BMPR2: variants seen among roughly 807,000 people sequenced by gnomAD.
BMPR2 encodes bone morphogenetic protein receptor type 2.
A neutral mutation model predicts 100.8 loss-of-function variants in BMPR2; 29 were observed. The observed-to-expected ratio is 0.29, with a 90% confidence interval of 0.21 to 0.39. BMPR2 has a LOEUF of 0.39. Ranked by LOEUF, BMPR2 falls within the 10% of genes least tolerant of loss-of-function variation. The probability of loss-of-function intolerance (pLI) is 1.00; values close to 1 mark genes in which losing one functional copy is unlikely to be tolerated. For missense variants in BMPR2, 1,011 were observed against 1,274.5 expected (o/e 0.79, Z 3.15); for synonymous variants, 382 against 442.3 (o/e 0.86, Z 1.71).
intron 1 of BMPR2, among the ~76,000 whole-genome samples, chr2:202,439,850 A>G (rs542816794): frequency 1.3e-5 from 2 of 149,590 alleles, no homozygotes; most frequent in East Asian, 3.9e-4. Context: ...CAGCAGATAA[A>G]CATGTGAACA....
At chr2:202,519,381 A>G (rs890416358) in intron 6 of BMPR2, among the ~76,000 whole-genome samples, 1 of 152,172 alleles carries the variant, frequency 6.6e-6, no homozygotes, top group Non-Finnish European at 1.5e-5. Context: ...AAAAAAAATA[A>G]ACTGACATTT....
chr2:202,542,937 G>A (rs2106031443), intron 10 of BMPR2, among the ~76,000 whole-genome samples: 1 of 151,968 alleles, frequency 6.6e-6, no homozygotes, highest in South Asian at 2.1e-4. Flanking sequence ...AGCACTTTGG[G>A]AGGCCGAGGC....
Position 202,556,287 on chromosome 2 carries a change from G to C in BMPR2, c.2622G>C (p.Glu874Asp), listed in dbSNP as rs778565989. 1 of 1,614,108 alleles carries C rather than the reference G, an allele frequency of 6.2e-7. No individual in the cohort carries two copies. Among genetic ancestry groups the C allele is most frequent in the African/African-American group, 1.3e-5 (1 of 74,942 alleles). ...AGCATGAGCCTTTACTGAGACGAGA[G>C]CAACAAGCTGGCCATGATGAAGGTG... ...PDEHEPLLRR[E>D]QQAGHDEGVL... The change falls in exon 12 of 13, where the codon GAG (glutamate) becomes GAC (aspartate). Residue 874 changes from glutamate to aspartate, a missense_variant. By Grantham distance (45) the Glu-to-Asp change is conservative. Around this residue, in one of 6 missense-constraint regions of BMPR2, gnomAD observed 508 missense variants for 552.0 expected, o/e 0.92. Coordinates refer to ENST00000374580, the MANE Select transcript of BMPR2 (RefSeq NM_001204.7).
chr2:202,538,718 C>T (rs539411061), intron 9 of BMPR2, among the ~76,000 whole-genome samples: 65 of 149,356 alleles, frequency 4.4e-4, no homozygotes, highest in South Asian at 3.0e-3. Flanking sequence ...TGCTTGAACC[C>T]GGGACGCAGA....
At chr2:202,510,977 C>A (rs1687611607) in intron 3 of BMPR2, among the ~76,000 whole-genome samples, 1 of 144,896 alleles carries the variant, frequency 6.9e-6, no homozygotes, top group Non-Finnish European at 1.5e-5. Flanking sequence ...CCGCACCTGG[C>A]TTTAGTTTTT....
At chr2:202,528,480 C>T (rs983274736) in intron 7 of BMPR2, among the ~76,000 whole-genome samples, 1 of 152,170 alleles carries the variant, frequency 6.6e-6, no homozygotes, top group Non-Finnish European at 1.5e-5. Flanking sequence ...AGCCAGCACG[C>T]CTGGCCAGAG....
chr2:202,390,333 GT>G (rs374406877), intron 1 of BMPR2, among the ~76,000 whole-genome samples: 42,052 of 132,272 alleles, frequency 0.32, 6,374 homozygotes, highest in African/African-American at 0.47. Flanking sequence ...TTTCTTTCGT[GT>G]TTTTTTTTTT....
rs949905146 is a variant in BMPR2 at position 202,398,747 on chromosome 2, G to A, written c.76+21197G>A. Among the ~76,000 whole-genome samples, 4 of 152,166 alleles carry A rather than the reference G, an allele frequency of 2.6e-5. No homozygotes were observed. In the East Asian group the frequency reaches 7.7e-4, roughly 29 times the overall value. On this transcript the variant is annotated intron_variant, in intron 1 of 12. Transcript: ENST00000374580. ...GCTTTTACATGTTTATGTAGATTAGGTTAGGTTAAGAGAAAATACCGTAGT... is the reference window on the plus strand; with the variant it reads ...GCTTTTACATGTTTATGTAGATTAGATTAGGTTAAGAGAAAATACCGTAGT...
chr2:202,430,435 A>G (rs972458709), intron 1 of BMPR2, among the ~76,000 whole-genome samples: 1 of 152,178 alleles, frequency 6.6e-6, no homozygotes, highest in Non-Finnish European at 1.5e-5. Flanking sequence ...TCAGACTTTG[A>G]ATATGTGGAA....
intron 1 of BMPR2, among the ~76,000 whole-genome samples, chr2:202,428,370 C>G (rs987516414): frequency 2.0e-5 from 3 of 151,416 alleles, no homozygotes; most frequent in Non-Finnish European, 4.4e-5. Context: ...GAGTCTGTCT[C>G]TCTCCTTCTG....
intron 1 of BMPR2, among the ~76,000 whole-genome samples, chr2:202,458,183 ACTC>A (rs1692158613): frequency 6.8e-6 from 1 of 147,556 alleles, no homozygotes; most frequent in Non-Finnish European, 1.5e-5. Flanking sequence ...ACTGTGGCTC[ACTC>A]CTGCAATCCC....
intron 1 of BMPR2, among the ~76,000 whole-genome samples, chr2:202,453,540 G>A (rs1178043005): frequency 6.6e-6 from 1 of 152,168 alleles, no homozygotes; most frequent in African/African-American, 2.4e-5. Context: ...TATGTTAAGT[G>A]AAATAAGCTA....
chr2:202,551,550 G>C (rs1421614075), intron 10 of BMPR2, among the ~76,000 whole-genome samples: 2 of 151,944 alleles, frequency 1.3e-5, no homozygotes, highest in Non-Finnish European at 2.9e-5. Context: ...CAAAAAACTA[G>C]CTTTCCCCCA....
intron 3 of BMPR2, among the ~76,000 whole-genome samples, chr2:202,510,093 G>A (rs1352180596): frequency 6.6e-6 from 1 of 152,110 alleles, no homozygotes. Context: ...GTTAGACTAC[G>A]AATTTTTTTA....
At chr2:202,543,866 A>G (rs758855038) in intron 10 of BMPR2, among the ~76,000 whole-genome samples, 10 of 152,204 alleles carry the variant, frequency 6.6e-5, no homozygotes, top group Non-Finnish European at 1.0e-4. Context: ...AAAATTCTAC[A>G]TTAGTTACTA....
At chr2:202,426,631 C>T (rs1691391683) in intron 1 of BMPR2, among the ~76,000 whole-genome samples, 1 of 151,160 alleles carries the variant, frequency 6.6e-6, no homozygotes, top group Non-Finnish European at 1.5e-5. Flanking sequence ...TCTGTAACTC[C>T]AGCACTTTGG....
intron 3 of BMPR2, among the ~76,000 whole-genome samples, chr2:202,478,761 A>AT (rs1692600243): frequency 6.6e-6 from 1 of 152,028 alleles, no homozygotes; most frequent in Non-Finnish European, 1.5e-5. Context: ...ACAAAACGAA[A>AT]TGAAAGAACA....
At chr2:202,497,218 C>T (rs1008680234) in intron 3 of BMPR2, among the ~76,000 whole-genome samples, 3 of 152,186 alleles carry the variant, frequency 2.0e-5, no homozygotes, top group South Asian at 4.1e-4. Context: ...CTGTGCGGCC[C>T]GAGCCTCCCC....
intron 1 of BMPR2, among the ~76,000 whole-genome samples, chr2:202,461,762 A>T (rs1692228728): frequency 1.3e-5 from 2 of 152,188 alleles, no homozygotes; most frequent in South Asian, 4.1e-4. Context: ...TGTTTAGCTA[A>T]TGATAAGAAA....
Sources: allele counts gnomAD v4.1 joint callset (sites outside exome capture counted in the v4.1 genomes callset), GRCh38; gene constraint gnomAD v4.1.1; regional missense constraint gnomAD v4.1.1; transcripts MANE v1.5; gene names NCBI Gene and HGNC (gene_info 2026-07-23, HGNC 2026-07-21).